The following FRY variants were observed in gnomAD, a reference collection of about 807,000 sequenced individuals.
The protein encoded by FRY is protein furry homolog.
Under a neutral mutation model 348.4 loss-of-function variants are expected in FRY, and 128 were observed. That is an observed-to-expected ratio of 0.37 (90% confidence interval 0.32 to 0.43). The LOEUF (loss-of-function observed/expected upper bound fraction) is 0.43, where lower values mean the gene tolerates loss of function less well. FRY is among the 20% of genes least tolerant of loss of function. The probability of loss-of-function intolerance (pLI) is 1.00; values close to 1 mark genes in which losing one functional copy is unlikely to be tolerated. For synonymous variants in FRY, 1,370 were observed against 1,374.7 expected (o/e 1.00, Z 0.08); for missense variants, 2,736 against 3,695.2 (o/e 0.74, Z 6.73).
chr13:32,117,953 T>C (rs1405344280), intron 4 of FRY, among the ~76,000 whole-genome samples: 1 of 152,220 alleles, frequency 6.6e-6, no homozygotes, highest in Non-Finnish European at 1.5e-5. Context: ...CCCGCCTCTC[T>C]GTACCTCAGC....
At chr13:32,152,024 AC>A (rs1461959522) in intron 14 of FRY, among the ~76,000 whole-genome samples, 1 of 152,202 alleles carries the variant, frequency 6.6e-6, no homozygotes, top group Admixed American at 6.5e-5. Context: ...ACACTGAAAA[AC>A]AAAATACTTA....
chr13:32,124,872 C>A lies in FRY; in HGVS notation c.713C>A (p.Ala238Asp). Residue 238 changes from alanine to aspartate, a missense_variant, in exon 7 of 61, where the codon GCC becomes GAC. This residue lies in a region of FRY where 309 missense variants were observed against 418.1 expected (regional missense o/e 0.74). Coordinates refer to ENST00000542859, the MANE Select transcript of FRY (RefSeq NM_023037.3). Reference sequence around the variant, plus strand: ...GAAGTCATTGGAGTGTTGGCACAAGCCAAGTAAGTGAATGCCAGAACCCTT... The same window carrying A: ...GAAGTCATTGGAGTGTTGGCACAAGACAAGTAAGTGAATGCCAGAACCCTT... The part of the protein sequence containing the change: ...YAEVIGVLAQ[A>D]KFPAVKKKFM... 6.2e-7 allele frequency: 1 copy of A among 1,604,746 alleles called. No homozygotes were observed. Among genetic ancestry groups the A allele is most frequent in the Non-Finnish European group, 8.5e-7 (1 of 1,171,428 alleles).
At chr13:32,092,354 CCTGT>C (rs746373659) in intron 2 of FRY, among the ~76,000 whole-genome samples, 3 of 152,276 alleles carry the variant, frequency 2.0e-5, no homozygotes, top group East Asian at 3.9e-4. Context: ...GTGACTGTGG[CCTGT>C]CTGTCTGGCC....
In FRY at chr13:32,187,538, A is replaced by G. The variant is rs140270659; in HGVS notation, c.3481-8A>G. On this transcript the variant is annotated splice_polypyrimidine_tract_variant and splice_region_variant and intron_variant, in intron 27 of 60. Transcript: ENST00000542859. Reference sequence around the variant, plus strand: ...CATTTCCATGTCTTGTTGTGTTTTTATCATCAGGCAATGTCAGCAGTACTG... The same window carrying G: ...CATTTCCATGTCTTGTTGTGTTTTTGTCATCAGGCAATGTCAGCAGTACTG... 600 of 1,550,876 alleles carry G rather than the reference A, an allele frequency of 3.9e-4. 2 individuals are homozygous for G. The African/African-American group carries it at 6.3e-3, about 16-fold the overall frequency.
intron 17 of FRY, among the ~76,000 whole-genome samples, chr13:32,169,955 G>T (rs185656690): frequency 6.6e-6 from 1 of 152,196 alleles, no homozygotes; most frequent in East Asian, 1.9e-4. Context: ...GACATTTTGG[G>T]CCAGAAAATT....
At chr13:32,133,768 CTTTTTTTTTTTT>C (rs34413710) in intron 8 of FRY, among the ~76,000 whole-genome samples, 2 of 89,286 alleles carry the variant, frequency 2.2e-5, no homozygotes, top group South Asian at 4.2e-4. Flanking sequence ...TTCTTTCTTT[CTTTTTTTTTTTT>C]TTTTTTTTTT....
At chr13:32,291,180 G>T (rs1889333574) in intron 59 of FRY, among the ~76,000 whole-genome samples, 1 of 152,088 alleles carries the variant, frequency 6.6e-6, no homozygotes, top group South Asian at 2.1e-4. Flanking sequence ...AAGAGGAAGA[G>T]CCACAAGAGA....
At chr13:32,166,441 A>G (rs1054167254) in intron 17 of FRY, among the ~76,000 whole-genome samples, 3 of 152,114 alleles carry the variant, frequency 2.0e-5, no homozygotes, top group Non-Finnish European at 4.4e-5. Context: ...GGATTTGTAA[A>G]TCTGTAGGCC....
intron 28 of FRY, among the ~76,000 whole-genome samples, chr13:32,190,100 T>C (rs1028452160): frequency 2.6e-5 from 4 of 152,032 alleles, no homozygotes; most frequent in African/African-American, 9.6e-5. Context: ...TCTACATTTA[T>C]TCATGAGAAA....
chr13:32,121,059 A>G (rs1374444289), intron 4 of FRY, among the ~76,000 whole-genome samples: 1 of 152,236 alleles, frequency 6.6e-6, no homozygotes, highest in Non-Finnish European at 1.5e-5. Context: ...AACTTAGAAT[A>G]ATAGTCTCCA....
intron 24 of FRY, 77 bp downstream of exon 24, chr13:32,183,111 C>A: frequency 1.2e-6 from 1 of 826,488 alleles, no homozygotes; most frequent in Non-Finnish European, 2.1e-6. Context: ...CTAGTGATTT[C>A]CCCTAAAGAA....
chr13:32,268,505 AATATATATAT>A (rs869298149), intron 55 of FRY, among the ~76,000 whole-genome samples: 299 of 28,110 alleles, frequency 0.011, 4 homozygotes, highest in East Asian at 0.045. Context: ...AAAAAAAAAA[AATATATATAT>A]ATATATATAT....
At chr13:32,276,645 A>G in intron 57 of FRY, 83 bp downstream of exon 57, 1 of 792,904 alleles carries the variant, frequency 1.3e-6, no homozygotes, top group Non-Finnish European at 2.3e-6. Flanking sequence ...CGGGGTTGTG[A>G]TTAACTTAAG....
At chr13:32,238,062 G>T in intron 44 of FRY, 76 bp downstream of exon 44, 2 of 1,496,392 alleles carry the variant, frequency 1.3e-6, no homozygotes, top group South Asian at 2.3e-5. Context: ...AAGATAATAT[G>T]AACTTACTGC....
intron 58 of FRY, among the ~76,000 whole-genome samples, chr13:32,284,389 T>G (rs1449418120): frequency 3.9e-5 from 6 of 152,226 alleles, no homozygotes; most frequent in Non-Finnish European, 8.8e-5. Flanking sequence ...AAGACAAGAC[T>G]TTTCTCCAAT....
At chr13:32,195,655 G>A (rs771180786) in intron 29 of FRY, among the ~76,000 whole-genome samples, 38 of 152,050 alleles carry the variant, frequency 2.5e-4, no homozygotes, top group Non-Finnish European at 4.9e-4. Flanking sequence ...TTTTTCCTTA[G>A]GGAGCACAAA....
In FRY at chr13:32,179,810, C is replaced by T; in HGVS notation, c.2996+11C>T. Reference sequence around the variant, plus strand: ...TTCCCTTGTTTTCAGGTACAGTAGTCTTAATGAGTTGTTCTAAATTCATAC... The same window carrying T: ...TTCCCTTGTTTTCAGGTACAGTAGTTTTAATGAGTTGTTCTAAATTCATAC... On this transcript the variant is annotated intron_variant, in intron 23 of 60. Transcript: ENST00000542859. The T allele has an allele frequency of 1.9e-6, 3 of 1,612,192 alleles. No individual in the cohort carries two copies. Among genetic ancestry groups the T allele is most frequent in the Non-Finnish European group, 2.5e-6 (3 of 1,178,276 alleles).
intron 58 of FRY, among the ~76,000 whole-genome samples, chr13:32,287,417 G>A (rs544156440): frequency 6.6e-6 from 1 of 152,272 alleles, no homozygotes; most frequent in South Asian, 2.1e-4. Flanking sequence ...ACATGAAACT[G>A]AACATATTAA....
chr13:32,111,578 G>A (rs1877966238), intron 3 of FRY, among the ~76,000 whole-genome samples: 1 of 152,142 alleles, frequency 6.6e-6, no homozygotes, highest in Non-Finnish European at 1.5e-5. Flanking sequence ...GGGTGATTGA[G>A]AATCTGTCAG....
Sources: allele counts gnomAD v4.1 joint callset (sites outside exome capture counted in the v4.1 genomes callset), GRCh38; gene constraint gnomAD v4.1.1; regional missense constraint gnomAD v4.1.1; transcripts MANE v1.5; gene names NCBI Gene and HGNC (gene_info 2026-07-23, HGNC 2026-07-21).